The following METAP1D variants were observed in gnomAD, a reference collection of about 807,000 sequenced individuals.
METAP1D encodes the protein methionyl aminopeptidase type 1D, mitochondrial.
In METAP1D, 31 loss-of-function variants were observed where a neutral mutation model predicts 40.5. The ratio of observed to expected loss-of-function variants is 0.77; its 90% CI spans 0.58 to 1.03. The LOEUF (loss-of-function observed/expected upper bound fraction) is 1.03. Among genes scored for constraint, METAP1D ranks in the 50% least tolerant of loss-of-function variants. METAP1D has a pLI of 0.00. For missense variants in METAP1D, 411 were observed against 420.7 expected (o/e 0.98, Z 0.20); for synonymous variants, 151 against 146.4 (o/e 1.03, Z -0.22).
intron 1 of METAP1D, among the ~76,000 whole-genome samples, chr2:172,034,174 A>G (rs940194157): frequency 6.6e-6 from 1 of 152,016 alleles, no homozygotes; most frequent in African/African-American, 2.4e-5. Context: ...CTTCAAAATT[A>G]TCCAGTGGGA....
chr2:172,053,563 G>A (rs1011895974), intron 1 of METAP1D, among the ~76,000 whole-genome samples: 1 of 152,114 alleles, frequency 6.6e-6, no homozygotes, highest in African/African-American at 2.4e-5. Flanking sequence ...AATCTGGCAG[G>A]CATTCCTCTC....
At chr2:172,011,559 C>T (rs1688722960) in intron 1 of METAP1D, among the ~76,000 whole-genome samples, 1 of 152,220 alleles carries the variant, frequency 6.6e-6, no homozygotes, top group South Asian at 2.1e-4. Flanking sequence ...GCTGGGATTA[C>T]AGGCGTGAGC....
At chr2:172,030,175 C>A (rs1488125303) in intron 1 of METAP1D, among the ~76,000 whole-genome samples, 2 of 150,716 alleles carry the variant, frequency 1.3e-5, no homozygotes, top group East Asian at 3.9e-4. Context: ...CCACAACCTC[C>A]ACCTCCTGGG....
chr2:172,030,591 A>G (rs1347976542), intron 1 of METAP1D, among the ~76,000 whole-genome samples: 2 of 152,192 alleles, frequency 1.3e-5, no homozygotes, highest in African/African-American at 4.8e-5. Context: ...TTCTAAATTC[A>G]AATCCTTGAT....
chr2:172,048,809 AAATATGAG>A (rs1689818452), intron 1 of METAP1D, among the ~76,000 whole-genome samples: 1 of 152,196 alleles, frequency 6.6e-6, no homozygotes, highest in Non-Finnish European at 1.5e-5. Context: ...TAAAAACTTT[AAATATGAG>A]ATGATGAATT....
intron 1 of METAP1D, among the ~76,000 whole-genome samples, chr2:172,027,994 G>A (rs954251137): frequency 2.0e-5 from 3 of 152,232 alleles, no homozygotes; most frequent in Non-Finnish European, 4.4e-5. Context: ...GGGATTAAAT[G>A]TGCTAGGTCC....
At chr2:172,034,253 A>G (rs1055220675) in intron 1 of METAP1D, among the ~76,000 whole-genome samples, 1 of 152,222 alleles carries the variant, frequency 6.6e-6, no homozygotes, top group South Asian at 2.1e-4. Context: ...AATGATAGAT[A>G]CATGGGGATT....
At position 172,063,885 on chromosome 2, in the gene METAP1D, C is replaced by T. The variant is rs769182356; in HGVS notation, c.348+25C>T. On this transcript the variant is annotated intron_variant, in intron 3 of 9. Coordinates refer to ENST00000315796, the MANE Select transcript of METAP1D (RefSeq NM_199227.3). The stretch of plus-strand genomic sequence containing the variant: ...GGTGGCGTCTCACCAAGCCTCAGAA[C>T]GACTTACATAAGGGGCAACAAACAC... 3.2e-6 allele frequency: 5 copies of T among 1,582,284 alleles called. No individual in the cohort carries two copies. In the African/African-American group the frequency reaches 4.1e-5, roughly 13 times the overall value.
intron 1 of METAP1D, among the ~76,000 whole-genome samples, chr2:172,061,265 G>T (rs1690134760): frequency 6.6e-6 from 1 of 152,094 alleles, no homozygotes; most frequent in Admixed American, 6.5e-5. Context: ...CGTTAGAGTA[G>T]AGTTTTCCAT....
chr2:172,045,817 GTGTATATATATA>G (rs1442810014), intron 1 of METAP1D, among the ~76,000 whole-genome samples: 21 of 16,340 alleles, frequency 1.3e-3, no homozygotes, highest in African/African-American at 3.2e-3. Flanking sequence ...GTGTGTGTGT[GTGTATATATATA>G]TATATATATA....
At chr2:172,036,965 G>T (rs1180520881) in intron 1 of METAP1D, among the ~76,000 whole-genome samples, 1 of 152,154 alleles carries the variant, frequency 6.6e-6, no homozygotes, top group South Asian at 2.1e-4. Flanking sequence ...TAATGTTAAA[G>T]TCTAGGTTTT....
intron 1 of METAP1D, among the ~76,000 whole-genome samples, chr2:172,008,343 G>T (rs1290300148): frequency 6.6e-6 from 1 of 152,082 alleles, no homozygotes; most frequent in Non-Finnish European, 1.5e-5. Context: ...TTATTTATCA[G>T]CTAGAAAACA....
chr2:172,036,100 T>G (rs368341458), intron 1 of METAP1D, among the ~76,000 whole-genome samples: 444 of 152,006 alleles, frequency 2.9e-3, no homozygotes, highest in Middle Eastern at 0.01. Flanking sequence ...GGCGGATCAC[T>G]AGGTCAGGAG....
intron 1 of METAP1D, among the ~76,000 whole-genome samples, chr2:172,002,497 A>C (rs1688489998): frequency 6.6e-6 from 1 of 152,152 alleles, no homozygotes; most frequent in African/African-American, 2.4e-5. Context: ...ATTATATGGA[A>C]GTCAGGCCAA....
rs1163754994 is a variant in METAP1D, at chr2:172,043,083, A to G, written c.41-18415A>G. On this transcript the variant is annotated intron_variant, in intron 1 of 9. Transcript: ENST00000315796. Reference sequence around the variant, plus strand: ...TGTATATATATACGTGTGTGTGTACATATATTTACATACATATATATATAT... The same window carrying G: ...TGTATATATATACGTGTGTGTGTACGTATATTTACATACATATATATATAT... Among the ~76,000 whole-genome samples the G allele has an allele frequency of 1.5e-4, 7 of 46,842 alleles. 3 individuals are homozygous for G. The highest frequency in any genetic ancestry group is 6.1e-4 in the Admixed American group (2 of 3,280). 30.7% of individuals were successfully genotyped at this position (46,842 alleles called of 152,430 possible).
intron 1 of METAP1D, among the ~76,000 whole-genome samples, chr2:172,056,858 CTGT>C (rs1337342099): frequency 6.6e-6 from 1 of 152,218 alleles, no homozygotes; most frequent in Non-Finnish European, 1.5e-5. Flanking sequence ...CAAGCTCATG[CTGT>C]TGTCACTACC....
chr2:172,033,090 A>T (rs964545074), intron 1 of METAP1D, among the ~76,000 whole-genome samples: 6 of 151,944 alleles, frequency 3.9e-5, no homozygotes, highest in Admixed American at 6.6e-5. Context: ...AAATAAAAAT[A>T]AAAAAATCAA....
rs186420198 is a variant in METAP1D, at chr2:172,004,245, T to C, written c.40+4236T>C. Among the ~76,000 whole-genome samples, 78 of 152,304 alleles carry C rather than the reference T, an allele frequency of 5.1e-4. 1 individual carries two copies. Among genetic ancestry groups the C allele is most frequent in the Middle Eastern group, 6.8e-3 (2 of 294 alleles). On this transcript the variant is annotated intron_variant, in intron 1 of 9. Transcript: ENST00000315796. The stretch of plus-strand genomic sequence containing the variant: ...TCATGAGTTAAGTACTTTAAACTTT[T>C]GCCAACTGCCCTGAGATCCTTGCTA...
At chr2:172,019,862 T>G (rs945508383) in intron 1 of METAP1D, among the ~76,000 whole-genome samples, 2 of 152,174 alleles carry the variant, frequency 1.3e-5, no homozygotes, top group Non-Finnish European at 2.9e-5. Context: ...ACTTAATTAG[T>G]TCATGATTTT....
Sources: gnomAD v4.1 joint callset for allele counts (sites outside exome capture counted in the v4.1 genomes callset) on GRCh38, gnomAD v4.1.1 for gene constraint, MANE v1.5 for transcripts, NCBI Gene and HGNC (gene_info 2026-07-23, HGNC 2026-07-21) for gene names.